BBS5: variants seen among roughly 807,000 people sequenced by gnomAD.
BBS5 encodes the protein Bardet-Biedl syndrome 5.
A neutral mutation model predicts 50.2 loss-of-function variants in BBS5; 39 were observed. The observed-to-expected ratio is 0.78, with a 90% confidence interval of 0.60 to 1.01. BBS5 has a LOEUF of 1.01. Among genes scored for constraint, BBS5 ranks in the 50% least tolerant of loss-of-function variants. BBS5 has a pLI of 0.00. For synonymous variants in BBS5, 134 were observed against 133.1 expected (o/e 1.01, Z -0.05); for missense variants, 356 against 401.5 (o/e 0.89, Z 0.97).
chr2:169,490,342 T>C (rs6721826), intron 5 of BBS5, among the ~76,000 whole-genome samples: 1,548 of 150,686 alleles, frequency 0.01, 31 homozygotes, highest in African/African-American at 0.035. Context: ...TACAGGCGCC[T>C]GCCACCACGC....
At position 169,479,592 on chromosome 2, in the gene BBS5, C is replaced by A; in HGVS notation, c.39C>A (p.Val13=). 6.2e-7 allele frequency: 1 copy of A among 1,614,134 alleles called. No homozygotes were observed. The highest frequency in any genetic ancestry group is 1.1e-5 in the South Asian group (1 of 91,084). Residue 13 remains valine, a synonymous_variant, in exon 1 of 12, where the codon GTC becomes GTA. Transcript: ENST00000295240. Reference sequence around the variant, plus strand: ...ATGCGCTTTGGGAGGATCGGGATGTCCGTTTCGACCTGTCCGCGCAGTGAG... The same window carrying A: ...ATGCGCTTTGGGAGGATCGGGATGTACGTTTCGACCTGTCCGCGCAGTGAG... The part of the protein sequence containing the change: ...VLDALWEDRD[V]RFDLSAQQMK...
intron 1 of BBS5, among the ~76,000 whole-genome samples, chr2:169,481,125 C>T (rs762801104): frequency 5.0e-4 from 76 of 152,106 alleles, no homozygotes; most frequent in African/African-American, 1.7e-3. Flanking sequence ...ATTCATATCC[C>T]CCCGTTCTAG....
At chr2:169,484,728 G>A (rs898139504) in intron 2 of BBS5, among the ~76,000 whole-genome samples, 4 of 152,194 alleles carry the variant, frequency 2.6e-5, no homozygotes, top group Admixed American at 6.5e-5. Context: ...CTGCTTAGGT[G>A]TAAAATGGCA....
rs200801734 is a variant in BBS5 at position 169,499,458 on chromosome 2, T to G, written c.682-28T>G. Reference sequence around the variant, plus strand: ...AATACTGTTCTTCAGACTTGTTGGGTTTTTTTTTATTATTTTTTCTCTTGT... The same window carrying G: ...AATACTGTTCTTCAGACTTGTTGGGGTTTTTTTTATTATTTTTTCTCTTGT... On this transcript the variant is annotated intron_variant, in intron 8 of 11. Transcript: ENST00000295240. The G allele has an allele frequency of 8.3e-4, 1,311 of 1,584,892 alleles. 6 individuals are homozygous for G. The highest frequency in any genetic ancestry group is 2.7e-3 in the South Asian group (244 of 89,060).
At position 169,494,555 on chromosome 2, in the gene BBS5, T is replaced by TAA. The variant is rs879875018; in HGVS notation, c.618+732_618+733dup. Among the ~76,000 whole-genome samples the TAA allele has an allele frequency of 4.2e-5, 6 of 141,512 alleles. No homozygotes were observed. The East Asian group carries it at 6.1e-4, about 14-fold the overall frequency. 92.8% of individuals were successfully genotyped at this position (141,512 alleles called of 152,430 possible). On this transcript the variant is annotated intron_variant, in intron 7 of 11. Transcript: ENST00000295240. ...GACATAGCTAGACTCCTTCTCTATTTAAAAAAAAAAAAAACTATGAAAATT... is the reference window on the plus strand; with the variant it reads ...GACATAGCTAGACTCCTTCTCTATTTAAAAAAAAAAAAAAAACTATGAAAATT...
At chr2:169,502,034 G>C (rs1174424780) in intron 9 of BBS5, among the ~76,000 whole-genome samples, 1 of 152,008 alleles carries the variant, frequency 6.6e-6, no homozygotes, top group Non-Finnish European at 1.5e-5. Flanking sequence ...TATTCTGCTT[G>C]CTTACTTTCT....
At chr2:169,494,503 G>A (rs1433567537) in intron 7 of BBS5, among the ~76,000 whole-genome samples, 1 of 151,784 alleles carries the variant, frequency 6.6e-6, no homozygotes, top group East Asian at 1.9e-4. Flanking sequence ...GATTGCTTGA[G>A]GTCAGGAGTT....
chr2:169,480,338 C>G (rs1268319962), intron 1 of BBS5, among the ~76,000 whole-genome samples: 1 of 152,170 alleles, frequency 6.6e-6, no homozygotes, highest in African/African-American at 2.4e-5. Flanking sequence ...GGTTGGGTTA[C>G]TAAGTGTTGA....
chr2:169,495,589 C>A (rs1442739878), intron 7 of BBS5, among the ~76,000 whole-genome samples: 1 of 152,188 alleles, frequency 6.6e-6, no homozygotes, highest in African/African-American at 2.4e-5. Context: ...TCTGTCTTAC[C>A]AGCCTGTGTC....
chr2:169,494,571 T>C (rs886544038), intron 7 of BBS5, among the ~76,000 whole-genome samples: 2 of 151,330 alleles, frequency 1.3e-5, no homozygotes, highest in Non-Finnish European at 2.9e-5. Context: ...AAAAAAAAAC[T>C]ATGAAAATTC....
intron 6 of BBS5, among the ~76,000 whole-genome samples, chr2:169,493,384 C>T (rs1269442886): frequency 6.6e-6 from 1 of 152,142 alleles, no homozygotes; most frequent in African/African-American, 2.4e-5. Flanking sequence ...TTGCCTTAAC[C>T]TATCCAAGGT....
chr2:169,493,507 A>G (rs973422715), intron 6 of BBS5, among the ~76,000 whole-genome samples: 9 of 152,142 alleles, frequency 5.9e-5, no homozygotes, highest in Non-Finnish European at 1.0e-4. Context: ...ATCAAGAAGA[A>G]ATTTCCCTAT....
intron 9 of BBS5, 124 bp downstream of exon 9, chr2:169,499,744 C>A: frequency 2.0e-6 from 2 of 1,018,508 alleles, no homozygotes; most frequent in Admixed American, 1.8e-5. Context: ...TATACAGATT[C>A]TGCTCAAGTG....
rs1433293836 is a variant in BBS5 at position 169,492,930 on chromosome 2, AG to A, written c.444del (p.Asn149ThrfsTer4). On this transcript the variant is annotated frameshift_variant, in exon 6 of 12. Coordinates refer to ENST00000295240, the MANE Select transcript of BBS5 (RefSeq NM_152384.3). LOFTEE classifies it high-confidence loss of function. ...TTTAAATTAAGAAGTGCACTAATTC[AG>A]AACAAGCAACTAAGACTGTTGCCAC... ...RDFKLRSALI[Q>X]NKQLRLLPQE... 2 of 1,612,994 alleles carry A rather than the reference AG, an allele frequency of 1.2e-6. No individual in the cohort carries two copies. The highest frequency in any genetic ancestry group is 1.7e-5 in the Admixed American group (1 of 60,026).
intron 9 of BBS5, 46 bp downstream of exon 9, chr2:169,499,666 G>T (rs1245960448): frequency 1.9e-6 from 3 of 1,587,188 alleles, no homozygotes; most frequent in Middle Eastern, 1.7e-4. Flanking sequence ...GCTTTATGCA[G>T]TCTATAAAAT....
At chr2:169,480,356 T>C (rs887403852) in intron 1 of BBS5, among the ~76,000 whole-genome samples, 1 of 152,188 alleles carries the variant, frequency 6.6e-6, no homozygotes, top group Non-Finnish European at 1.5e-5. Flanking sequence ...TGAGAAACGC[T>C]AAAGCTAAGA....
intron 2 of BBS5, among the ~76,000 whole-genome samples, chr2:169,485,079 A>G (rs752809724): frequency 2.0e-5 from 3 of 152,098 alleles, no homozygotes; most frequent in Non-Finnish European, 4.4e-5. Flanking sequence ...AACCCTTCCC[A>G]CTCCATAATT....
rs753808677 is a variant in BBS5, at chr2:169,503,176, G to T, written c.898G>T (p.Val300Leu). 2 of 1,608,788 alleles carry T rather than the reference G, an allele frequency of 1.2e-6. No individual in the cohort carries two copies. Among genetic ancestry groups the T allele is most frequent in the South Asian group, 1.1e-5 (1 of 90,882 alleles). ...IDSDGHTDAF[V>L]AYFADGNKQQ... ...CTCTGATGGTCACACGGATGCTTTT[G>T]TGGTGAGCATCACAAAGGACAGCAT... The change falls in exon 10 of 12, where the codon GTG (valine) becomes TTG (leucine). Residue 300 changes from valine to leucine, a missense_variant and splice_region_variant. Transcript: ENST00000295240.
Position 169,479,539 on chromosome 2 carries a change from C to T in BBS5, c.-15C>T, listed in dbSNP as rs771564624. ...GCACGGCTGTGGAGAGATCCTGCCA[C>T]GGGCCTTGTTCACCATGTCGGTGCT... On this transcript the variant is annotated 5_prime_UTR_variant, in exon 1 of 12. The change creates a new upstream start codon in the 5' untranslated region. Transcript: ENST00000295240. The T allele has an allele frequency of 1.1e-5, 18 of 1,614,120 alleles. No homozygotes were observed. Among genetic ancestry groups the T allele is most frequent in the Middle Eastern group, 3.3e-4 (2 of 6,062 alleles).
Sources: gnomAD v4.1 joint callset for allele counts (sites outside exome capture counted in the v4.1 genomes callset) on GRCh38, gnomAD v4.1.1 for gene constraint, MANE v1.5 for transcripts, NCBI Gene and HGNC (gene_info 2026-07-23, HGNC 2026-07-21) for gene names.